The following CILP variants were observed in gnomAD, a reference collection of about 807,000 sequenced individuals.
The protein encoded by CILP is cartilage intermediate layer protein 1.
A neutral mutation model predicts 82.5 loss-of-function variants in CILP; 75 were observed. That is an observed-to-expected ratio of 0.91 (90% CI 0.75 to 1.10). The LOEUF (loss-of-function observed/expected upper bound fraction) is 1.10. Among genes scored for constraint, CILP ranks in the 50% least tolerant of loss-of-function variants. The pLI is 0.00. For missense variants in CILP, 1,479 were observed against 1,530.8 expected, an observed-to-expected ratio of 0.97 and a Z score of 0.56; for synonymous variants, 530 against 580.3, an observed-to-expected ratio of 0.91 and a Z score of 1.25.
chr15:65,210,510 C>T (rs1478249749), intron 1 of CILP, among the ~76,000 whole-genome samples: 3 of 152,172 alleles, frequency 2.0e-5, no homozygotes, highest in Non-Finnish European at 4.4e-5. Flanking sequence ...AACTGCTGAG[C>T]GTGGGTGAGG....
chr15:65,196,422 A>C lies in CILP; in HGVS notation c.*309T>G. On this transcript the variant is annotated 3_prime_UTR_variant, in exon 9 of 9. Coordinates refer to ENST00000261883, the MANE Select transcript of CILP (RefSeq NM_003613.4). ...ATTGCAGAGGTGGGCAAAACCATGC[A>C]AAAAGAAGAGGAAGTATATTTGCAT... 3.7e-6 allele frequency: 1 copy of C among 273,140 alleles called. No homozygotes were observed. 16.9% of individuals were successfully genotyped at this position (273,140 alleles called of 1,614,324 possible).
intron 7 of CILP, 123 bp from the exon 8 acceptor site, chr15:65,202,152 A>C: frequency 1.3e-6 from 1 of 788,036 alleles, no homozygotes; most frequent in Non-Finnish European, 1.9e-6. Flanking sequence ...TGTCAATATC[A>C]CCTTTGACTT....
At position 65,207,907 on chromosome 15, in the gene CILP, G is replaced by T. The variant is rs770270721; in HGVS notation, c.62-143C>A. On this transcript the variant is annotated intron_variant, in intron 2 of 8. Transcript: ENST00000261883. ...AAACCCCACTCTGCTACTTATTGCT[G>T]TGCAATCTCAGAAAAGCTTTACTCC... 3.3e-4 allele frequency: 220 copies of T among 669,212 alleles called. 2 individuals are homozygous for T. The highest frequency in any genetic ancestry group is 7.3e-5 in the Non-Finnish European group (28 of 382,872). 41.5% of individuals were successfully genotyped at this position (669,212 alleles called of 1,614,324 possible).
In CILP at chr15:65,197,419, A is replaced by ATAT; in HGVS notation, c.2864_2866dup (p.Tyr955_Ile956insAsn). The ATAT allele has an allele frequency of 6.2e-7, 1 of 1,614,202 alleles. No homozygotes were observed. Among genetic ancestry groups the ATAT allele is most frequent in the South Asian group, 1.1e-5 (1 of 91,086 alleles). On this transcript the variant is annotated inframe_insertion, in exon 9 of 9. Transcript: ENST00000261883. Reference sequence around the variant, plus strand: ...CAGTGGCCCCACAATCTTCACCTTGATATAGCAGGCCCTGAATTCCATCGG... The same window carrying ATAT: ...CAGTGGCCCCACAATCTTCACCTTGATATTATAGCAGGCCCTGAATTCCATCGG...
At chr15:65,205,200 T>C in intron 5 of CILP, 87 bp downstream of exon 5, 1 of 1,253,198 alleles carries the variant, frequency 8.0e-7, no homozygotes, top group Non-Finnish European at 1.1e-6. Context: ...AAGGAATCCA[T>C]CAGTCTCAAA....
In CILP at chr15:65,196,828, C is replaced by T. The variant is rs1168341261; in HGVS notation, c.3458G>A (p.Arg1153Lys). 6.2e-7 allele frequency: 1 copy of T among 1,612,348 alleles called. No individual in the cohort carries two copies. The highest frequency in any genetic ancestry group is 1.7e-5 in the Admixed American group (1 of 59,900). ...AGTVQGRVPS[R>K]RQQRASRGGQ... ...ACCCCTGCTCGCTCGCTGCTGCCTC[C>T]TCGAGGGCACTCTTCCTTGGACAGT... is the stretch of plus-strand genomic sequence containing the variant. The change falls in exon 9 of 9, where the codon AGG (arginine) becomes AAG (lysine). Residue 1153 changes from arginine to lysine, a missense_variant. Transcript: ENST00000261883.
At chr15:65,201,467 T>C (rs987994481) in intron 8 of CILP, among the ~76,000 whole-genome samples, 13 of 151,826 alleles carry the variant, frequency 8.6e-5, no homozygotes, top group African/African-American at 2.9e-4. Context: ...GGCACGGTGG[T>C]TCATGCATGT....
chr15:65,200,037 T>C (rs939183353), intron 8 of CILP, among the ~76,000 whole-genome samples: 26 of 152,214 alleles, frequency 1.7e-4, no homozygotes, highest in African/African-American at 3.9e-4. Context: ...TCTGTATCCA[T>C]CAGCACTTGT....
intron 2 of CILP, 56 bp downstream of exon 2, chr15:65,209,639 A>G: frequency 6.4e-7 from 1 of 1,567,880 alleles, no homozygotes; most frequent in Non-Finnish European, 8.8e-7. Context: ...CAGACCAGAC[A>G]CAACCTCACT....
Position 65,197,260 on chromosome 15 carries a change from T to G in CILP, c.3026A>C (p.Lys1009Thr), listed in dbSNP as rs911427610. The G allele has an allele frequency of 2.5e-6, 4 of 1,613,944 alleles. No homozygotes were observed. In the African/African-American group the frequency reaches 5.3e-5, roughly 22 times the overall value. The change falls in exon 9 of 9, where the codon AAG (lysine) becomes ACG (threonine). Residue 1009 changes from lysine (K) to threonine (T), a missense_variant. By Grantham distance (78) the Lys-to-Thr change is moderately conservative. Transcript: ENST00000261883. The stretch of plus-strand genomic sequence containing the variant: ...CTGATCATAGAGCATCCCACTGCAC[T>G]TGAACTCCAGACAGGCAGCTGAGAC... ...PNVSAACLEF[K>T]CSGMLYDQDR...
rs200478212 is a variant in CILP at position 65,207,013 on chromosome 15, G to C, written c.193C>G (p.Pro65Ala). 9 of 1,613,810 alleles carry C rather than the reference G, an allele frequency of 5.6e-6. No homozygotes were observed. The highest frequency in any genetic ancestry group is 7.6e-6 in the Non-Finnish European group (9 of 1,180,010). ...EWTTWFNIDY[P>A]GGKGDYERLD... ...CGCTCATAGTCGCCCTTCCCGCCTG[G>C]GTAGTCGATGTTGAACCATGTTGTC... is the stretch of plus-strand genomic sequence containing the variant. The change falls in exon 4 of 9, where the codon CCA (proline) becomes GCA (alanine). Residue 65 changes from proline (P) to alanine (A), a missense_variant. Coordinates refer to ENST00000261883, the MANE Select transcript of CILP (RefSeq NM_003613.4).
chr15:65,206,641 C>T, intron 4 of CILP, 141 bp downstream of exon 4: 3 of 924,354 alleles, frequency 3.2e-6, no homozygotes, highest in Non-Finnish European at 4.9e-6. Context: ...GCATGTGTGT[C>T]ACTACTTGTT....
chr15:65,198,275 C>T lies in CILP; in HGVS notation c.2011G>A (p.Glu671Lys), dbSNP rs758573371. Residue 671 changes from glutamate to lysine, a missense_variant, in exon 9 of 9, where the codon GAG becomes AAG. Physicochemically the swap from Glu to Lys is moderately conservative, Grantham distance 56. Coordinates refer to ENST00000261883, the MANE Select transcript of CILP (RefSeq NM_003613.4). ...SVDFRDEVTS[E>K]PLNAGKVKVH... ...TTCACTTTGCCAGCATTAAGTGGCT[C>T]TGAGGTGACCTCATCTCTGAAGTCC... 1.9e-6 allele frequency: 3 copies of T among 1,614,120 alleles called. No homozygotes were observed. In the East Asian group the frequency reaches 6.7e-5, roughly 36 times the overall value.
In CILP at chr15:65,206,949, C is replaced by T. The variant is rs773568646; in HGVS notation, c.257G>A (p.Cys86Tyr). The T allele has an allele frequency of 4.3e-6, 7 of 1,614,074 alleles. No homozygotes were observed. The South Asian group carries it at 7.7e-5, about 18-fold the overall frequency. ...AGCCTCTAGCCGCAGGGGACGGGCA[C>T]ATACACGGTCCCCATAGTAGAAGCG... ...AIRFYYGDRV[C>Y]ARPLRLEART... is the part of the protein sequence containing the mutation. Residue 86 changes from cysteine (C) to tyrosine (Y), a missense_variant, in exon 4 of 9, where the codon TGT becomes TAT. Transcript: ENST00000261883.
intron 4 of CILP, 130 bp downstream of exon 4, chr15:65,206,649 GTTA>G: frequency 1.0e-6 from 1 of 996,514 alleles, no homozygotes; most frequent in East Asian, 2.4e-5. Flanking sequence ...GTCACTACTT[GTTA>G]TTATTACAGA....
intron 2 of CILP, 80 bp downstream of exon 2, chr15:65,209,615 G>T: frequency 7.4e-7 from 1 of 1,356,258 alleles, no homozygotes; most frequent in Non-Finnish European, 1.1e-6. Context: ...TAAGGCAGAT[G>T]CATAGTTCAG....
At position 65,197,568 on chromosome 15, in the gene CILP, TG is replaced by T; in HGVS notation, c.2717del (p.Pro906HisfsTer30). 1 of 1,614,214 alleles carries T rather than the reference TG, an allele frequency of 6.2e-7. No homozygotes were observed. The highest frequency in any genetic ancestry group is 8.5e-7 in the Non-Finnish European group (1 of 1,180,038). ...FENLRACEEA[P>X]PSAAHFRFYQ... The stretch of plus-strand genomic sequence containing the variant: ...AGAACCGGAAGTGGGCTGCACTGGG[TG>T]GTGCCTCTTCACATGCCCGGAGGTT... On this transcript the variant is annotated frameshift_variant, in exon 9 of 9. Transcript: ENST00000261883. LOFTEE classifies it high-confidence loss of function.
At chr15:65,202,117 C>T in intron 7 of CILP, 88 bp from the exon 8 acceptor site, 1 of 1,135,808 alleles carries the variant, frequency 8.8e-7, no homozygotes, top group South Asian at 1.8e-5. Context: ...GCCAAGGAGA[C>T]AGATGATGAA....
chr15:65,209,012 C>CTTTTT (rs556369891), intron 2 of CILP, among the ~76,000 whole-genome samples: 41 of 69,968 alleles, frequency 5.9e-4, no homozygotes, highest in African/African-American at 1.7e-3. Flanking sequence ...GGGTTTTGAG[C>CTTTTT]TTTTTTTTTT....
Sources: gnomAD v4.1 joint callset for allele counts (sites outside exome capture counted in the v4.1 genomes callset) on GRCh38, gnomAD v4.1.1 for gene constraint, MANE v1.5 for transcripts, NCBI Gene and HGNC (gene_info 2026-07-23, HGNC 2026-07-21) for gene names.